The following TTC23 variants were observed in gnomAD, a reference collection of about 807,000 sequenced individuals.
The protein encoded by TTC23 is tetratricopeptide repeat protein 23.
Under a neutral mutation model 55.1 loss-of-function variants are expected in TTC23, and 58 were observed. The observed-to-expected ratio is 1.05, with a 90% CI of 0.85 to 1.31. The LOEUF (loss-of-function observed/expected upper bound fraction) is 1.31, where lower values mean the gene tolerates loss of function less well. TTC23 is among the 50% of genes most tolerant of loss of function. TTC23 has a pLI of 0.00. For synonymous variants in TTC23, 203 were observed against 199.9 expected (o/e 1.02, Z -0.13); for missense variants, 516 against 534.4 (o/e 0.97, Z 0.34).
At chr15:99,152,180 C>T (rs1164917121) in intron 12 of TTC23, among the ~76,000 whole-genome samples, 1 of 152,154 alleles carries the variant, frequency 6.6e-6, no homozygotes, top group Non-Finnish European at 1.5e-5. Flanking sequence ...GGCACTTCCC[C>T]ATTCTCTCTT....
Position 99,200,000 on chromosome 15 carries a change from C to T in TTC23, c.678G>A (p.Glu226=), listed in dbSNP as rs73463371. The change falls in exon 9 of 14, where the codon GAG becomes GAA. Residue 226 remains glutamate, a synonymous_variant. Coordinates refer to ENST00000394132, the MANE Select transcript of TTC23 (RefSeq NM_001288615.3). ...CTAATTCTCTCAATATGGGTACACA[C>T]TCACGACTTGTTTCACCTTTACTGA... The part of the protein sequence containing the change: ...VEISKGETSR[E]CVPILRELAG... The T allele has an allele frequency of 2.0e-3, 3,266 of 1,614,092 alleles. 82 individuals carry two copies. In the African/African-American group the frequency reaches 0.037, roughly 18 times the overall value.
At chr15:99,195,303 A>C (rs1299253815) in intron 9 of TTC23, among the ~76,000 whole-genome samples, 1 of 152,262 alleles carries the variant, frequency 6.6e-6, no homozygotes, top group Non-Finnish European at 1.5e-5. Flanking sequence ...GAAGATACAC[A>C]GATGACAAGC....
chr15:99,138,264 T>G, intron 13 of TTC23, 137 bp from the exon 14 acceptor site: 1 of 1,022,038 alleles, frequency 9.8e-7, no homozygotes, highest in Non-Finnish European at 1.4e-6. Flanking sequence ...GAGAGGAGAA[T>G]TGTAGCACAG....
intron 12 of TTC23, among the ~76,000 whole-genome samples, chr15:99,150,209 C>T (rs975008097): frequency 6.6e-6 from 1 of 152,196 alleles, no homozygotes; most frequent in African/African-American, 2.4e-5. Context: ...TCATCTCATT[C>T]GATCCCTAAA....
At chr15:99,201,969 G>A (rs950070775) in intron 8 of TTC23, among the ~76,000 whole-genome samples, 4 of 151,984 alleles carry the variant, frequency 2.6e-5, no homozygotes, top group African/African-American at 4.8e-5. Flanking sequence ...TAAAAATGGG[G>A]GTCAGCAAAC....
chr15:99,218,538 CA>C (rs745751586), intron 8 of TTC23, 49 bp downstream of exon 8: 1 of 1,611,354 alleles, frequency 6.2e-7, no homozygotes, highest in South Asian at 1.1e-5. Context: ...ATTCTACAGG[CA>C]AAGAGCCTCC....
At chr15:99,161,707 A>G (rs2071400711) in intron 11 of TTC23, 33 bp downstream of exon 11, 4 of 1,596,988 alleles carry the variant, frequency 2.5e-6, no homozygotes, top group South Asian at 1.1e-5. Context: ...TCAACTGTGA[A>G]TAACTAGACA....
chr15:99,229,030 TAC>T, intron 4 of TTC23, among the ~76,000 whole-genome samples: 3 of 152,142 alleles, frequency 2.0e-5, no homozygotes, highest in African/African-American at 7.2e-5. Flanking sequence ...CATACATACA[TAC>T]GTAAAGTCCA....
intron 8 of TTC23, among the ~76,000 whole-genome samples, chr15:99,216,203 A>G (rs1046868953): frequency 1.3e-5 from 2 of 152,260 alleles, no homozygotes; most frequent in Non-Finnish European, 2.9e-5. Flanking sequence ...TCCTTGGACT[A>G]AAGAGTAATT....
intron 8 of TTC23, among the ~76,000 whole-genome samples, chr15:99,200,384 T>C (rs938458488): frequency 7.2e-5 from 11 of 152,206 alleles, no homozygotes; most frequent in African/African-American, 2.2e-4. Context: ...CCACACTTCA[T>C]TGGGTTATTA....
At chr15:99,162,749 G>A (rs1340028807) in intron 10 of TTC23, among the ~76,000 whole-genome samples, 1 of 152,114 alleles carries the variant, frequency 6.6e-6, no homozygotes, top group Non-Finnish European at 1.5e-5. Flanking sequence ...GTTCTCCTGA[G>A]ATGAGCTTAT....
At chr15:99,242,793 A>G (rs1245012386) in intron 2 of TTC23, among the ~76,000 whole-genome samples, 1 of 152,244 alleles carries the variant, frequency 6.6e-6, no homozygotes, top group Non-Finnish European at 1.5e-5. Context: ...TCCAATCATG[A>G]TTAAAAAAAC....
intron 2 of TTC23, among the ~76,000 whole-genome samples, chr15:99,243,894 A>G (rs192139958): frequency 6.6e-6 from 1 of 152,316 alleles, no homozygotes; most frequent in Admixed American, 6.5e-5. Context: ...TAGAATGAAT[A>G]AGATCTAGTA....
intron 8 of TTC23, among the ~76,000 whole-genome samples, chr15:99,214,481 C>G (rs1397122881): frequency 7.9e-5 from 10 of 126,326 alleles, no homozygotes; most frequent in Non-Finnish European, 1.6e-4. Context: ...GCACTCCAGC[C>G]TGGGTGACAG....
chr15:99,193,689 A>T (rs558789925), intron 9 of TTC23, among the ~76,000 whole-genome samples: 2 of 151,986 alleles, frequency 1.3e-5, no homozygotes, highest in South Asian at 4.2e-4. Flanking sequence ...TGGTAGCGAG[A>T]CCTTTTTTTT....
intron 9 of TTC23, among the ~76,000 whole-genome samples, chr15:99,178,152 G>C (rs576823739): frequency 5.9e-5 from 9 of 152,182 alleles, no homozygotes; most frequent in Non-Finnish European, 1.0e-4. Context: ...CTGCACTCCA[G>C]CTTGAGTGAC....
At chr15:99,187,951 AAT>A (rs1422297708) in intron 9 of TTC23, among the ~76,000 whole-genome samples, 3 of 152,024 alleles carry the variant, frequency 2.0e-5, no homozygotes, top group African/African-American at 7.2e-5. Flanking sequence ...TGGAAAGTTA[AAT>A]ATAGAGTTAC....
chr15:99,152,497 C>T (rs1371940996), intron 12 of TTC23, among the ~76,000 whole-genome samples: 1 of 152,030 alleles, frequency 6.6e-6, no homozygotes, highest in Non-Finnish European at 1.5e-5. Context: ...CTGCCTCAGC[C>T]TCCCCACATA....
rs2067620006 is a variant in TTC23 at position 99,136,719 on chromosome 15, A to G, written c.*1291T>C. 1 of 151,356 alleles carries G rather than the reference A, an allele frequency of 6.6e-6. No individual in the cohort carries two copies. The highest frequency in any genetic ancestry group is 1.5e-5 in the Non-Finnish European group (1 of 67,896). The allele number at this position is 151,356 out of a possible 1,614,324, so 9.4% of individuals were successfully genotyped here. ...GAACATTCACCCCTTAGCTGACTCC[A>G]CCCATGTCAACTAGATAGGACACAC... On this transcript the variant is annotated 3_prime_UTR_variant, in exon 14 of 14. Coordinates refer to ENST00000394132, the MANE Select transcript of TTC23 (RefSeq NM_001288615.3).
Sources: gnomAD v4.1 joint callset for allele counts (sites outside exome capture counted in the v4.1 genomes callset) on GRCh38, gnomAD v4.1.1 for gene constraint, MANE v1.5 for transcripts, NCBI Gene and HGNC (gene_info 2026-07-23, HGNC 2026-07-21) for gene names.